Variants in ATG7 observed in about 807,000 individuals in gnomAD.
ATG7 encodes the protein autophagy related 7.
In ATG7, 70 loss-of-function variants were observed where a neutral mutation model predicts 82.4. That is an observed-to-expected ratio of 0.85 (90% CI 0.70 to 1.04). ATG7 has a LOEUF of 1.04. Among genes scored for constraint, ATG7 ranks in the 50% least tolerant of loss-of-function variants. ATG7 has a pLI of 0.00. For missense variants in ATG7, 792 were observed against 864.3 expected (o/e 0.92, Z 1.05); for synonymous variants, 287 against 313.0 (o/e 0.92, Z 0.88).
chr3:11,325,849 T>A (rs2152744744), intron 9 of ATG7, among the ~76,000 whole-genome samples: 1 of 152,316 alleles, frequency 6.6e-6, no homozygotes. Context: ...TTTTCTAGAT[T>A]GATACTGCCT....
the ATG7 span, chr3:11,565,048 G>A: frequency 2.0e-5 from 29 of 1,464,396 alleles, no homozygotes; most frequent in Middle Eastern, 1.8e-4. This position sits in a 1 kb window ranked among gnomAD's most constrained non-coding sequence, Gnocchi z 4.1. Flanking sequence ...CATTCAGGGG[G>A]CGTTTTCTCA....
chr3:11,346,563 A>G (rs145444053), intron 13 of ATG7: 122 of 152,328 alleles, frequency 8.0e-4, no homozygotes, highest in African/African-American at 2.7e-3. Context: ...CAGGAAACCA[A>G]AAGTTAAGTG....
chr3:11,560,956 G>A (rs1039205916), downstream of ATG7, among the ~76,000 whole-genome samples: 3 of 152,124 alleles, frequency 2.0e-5, no homozygotes, highest in African/African-American at 7.2e-5. Flanking sequence ...GCCTGGAGCA[G>A]ATCTCACACT....
intron 18 of ATG7, among the ~76,000 whole-genome samples, chr3:11,365,342 G>T (rs2076530245): frequency 6.6e-6 from 1 of 152,142 alleles, no homozygotes; most frequent in Non-Finnish European, 1.5e-5. Flanking sequence ...AAAAAGTGGG[G>T]TGTCTTTTCA....
intron 18 of ATG7, among the ~76,000 whole-genome samples, chr3:11,368,671 G>C (rs925902247): frequency 6.6e-6 from 1 of 150,818 alleles, no homozygotes; most frequent in Non-Finnish European, 1.5e-5. Flanking sequence ...GTGGGAGTTT[G>C]AGGCTGCAGT....
In ATG7 at chr3:11,309,372, A is replaced by G. The variant is rs572074502; in HGVS notation, c.411+311A>G. On this transcript the variant is annotated intron_variant, in intron 7 of 20. Coordinates refer to ENST00000693202, the MANE Select transcript of ATG7 (RefSeq NM_001349232.2). ...ACGCCTTTGTTAAATACCATCCTAA[A>G]TACCATCTAAATAAAGGAAAGGTGC... Among the ~76,000 whole-genome samples the G allele has an allele frequency of 5.1e-4, 78 of 152,240 alleles. 2 individuals carry two copies. The South Asian group carries it at 0.016, about 31-fold the overall frequency.
intron 14 of ATG7, among the ~76,000 whole-genome samples, chr3:11,349,662 G>T (rs1472009798): frequency 6.6e-6 from 1 of 152,182 alleles, no homozygotes; most frequent in African/African-American, 2.4e-5. Flanking sequence ...ATTTAGGAGT[G>T]TATATATTTT....
In ATG7 at chr3:11,475,905, ACACC is replaced by A. The variant is rs559546964; in HGVS notation, c.2079+48981_2079+48984del. 3.2e-3 allele frequency among the ~76,000 whole-genome samples: 483 copies of A among 150,214 alleles called. 14 individuals carry two copies. In the South Asian group the frequency reaches 0.05, roughly 15 times the overall value. On this transcript the variant is annotated intron_variant, in intron 20 of 20. Transcript: ENST00000693202. ...CACACACACACACACACACACACAC[ACACC>A]CCCTCCCAGAGTCCGAGCATTCTAG...
Position 11,348,016 on chromosome 3 carries a change from A to G in ATG7, c.1265A>G (p.Gln422Arg). 2 of 1,613,948 alleles carry G rather than the reference A, an allele frequency of 1.2e-6. No individual in the cohort carries two copies. Among genetic ancestry groups the G allele is most frequent in the Non-Finnish European group, 1.7e-6 (2 of 1,179,868 alleles). The change falls in exon 14 of 21, where the codon CAG (glutamine) becomes CGG (arginine). Residue 422 changes from glutamine (Q) to arginine (R), a missense_variant. Transcript: ENST00000693202. ...GCTCTGGCAGCAGCGGACCGGCTCC[A>G]GAAAATATTCCCCGGTGTGGTATGT... The part of the protein sequence containing the change: ...PKALAAADRL[Q>R]KIFPGVNARG...
chr3:11,360,900 A>C (rs2076240536), intron 16 of ATG7, 116 bp downstream of exon 16: 1 of 1,184,544 alleles, frequency 8.4e-7, no homozygotes, highest in African/African-American at 1.5e-5. Flanking sequence ...AACAAAGAGA[A>C]GAATTCTCCA....
intron 20 of ATG7, among the ~76,000 whole-genome samples, chr3:11,511,562 G>T (rs1447281024): frequency 6.6e-6 from 1 of 152,230 alleles, no homozygotes; most frequent in East Asian, 1.9e-4. Flanking sequence ...GGGGCTGCAG[G>T]TGGAGCTGCC....
chr3:11,279,820 C>G lies in ATG7; in HGVS notation c.-365-1174C>G, dbSNP rs78155279. Among the ~76,000 whole-genome samples the G allele has an allele frequency of 2.4e-3, 363 of 152,276 alleles. 10 individuals carry two copies. The East Asian group carries it at 0.056, about 23-fold the overall frequency. On this transcript the variant is annotated intron_variant, in intron 1 of 20. Coordinates refer to ENST00000693202, the MANE Select transcript of ATG7 (RefSeq NM_001349232.2). The stretch of plus-strand genomic sequence containing the variant: ...ATCCCTCCTCCTATAACATTCTGTA[C>G]AAACGCCAGGCTATACTGTATTTGT...
At chr3:11,559,722 C>T (rs1245902098), downstream of ATG7, among the ~76,000 whole-genome samples, 9 of 152,216 alleles carry the variant, frequency 5.9e-5, no homozygotes, top group African/African-American at 9.6e-5. Flanking sequence ...TTGAGTTGGT[C>T]TGTCCCCATC....
chr3:11,494,599 G>C (rs752380557), intron 20 of ATG7, among the ~76,000 whole-genome samples: 1 of 152,200 alleles, frequency 6.6e-6, no homozygotes, highest in African/African-American at 2.4e-5. Context: ...ATAGTCTTTG[G>C]TTCCATTTGG....
At chr3:11,315,601 C>G in intron 9 of ATG7, 108 bp downstream of exon 9, 1 of 1,004,868 alleles carries the variant, frequency 1.0e-6, no homozygotes, top group Non-Finnish European at 1.4e-6. Context: ...TTTCCTTAGC[C>G]TTCAAAGGAT....
At chr3:11,424,507 C>T (rs2082198162) in intron 19 of ATG7, among the ~76,000 whole-genome samples, 1 of 151,562 alleles carries the variant, frequency 6.6e-6, no homozygotes. Context: ...CTGATTGCAG[C>T]AACAAAAGTT....
chr3:11,574,807 G>GTGTA, the ATG7 span, among the ~76,000 whole-genome samples: 1 of 150,140 alleles, frequency 6.7e-6, no homozygotes, highest in Non-Finnish European at 1.5e-5. Context: ...GTGTGTGTGT[G>GTGTA]TGTGTGTGTG....
At chr3:11,567,668 G>T in the ATG7 span, among the ~76,000 whole-genome samples, 3 of 152,164 alleles carry the variant, frequency 2.0e-5, no homozygotes, top group African/African-American at 7.2e-5. Context: ...CCCAGACACC[G>T]ATGTCACCAG....
At chr3:11,561,457 A>G (rs2072993485), downstream of ATG7, among the ~76,000 whole-genome samples, 2 of 152,118 alleles carry the variant, frequency 1.3e-5, no homozygotes, top group South Asian at 2.1e-4. Context: ...GAAGATGTTC[A>G]GTGTCTGGGC....
Sources: gnomAD v4.1 joint callset for allele counts (sites outside exome capture counted in the v4.1 genomes callset) on GRCh38, gnomAD v4.1.1 for gene constraint, Gnocchi (gnomAD v3.1) non-coding constraint, MANE v1.5 for transcripts, NCBI Gene and HGNC (gene_info 2026-07-23, HGNC 2026-07-21) for gene names.